Variants in CFH observed in about 807,000 individuals in gnomAD.
The protein encoded by CFH is H factor 1 (complement).
In CFH, 53 loss-of-function variants were observed where a neutral mutation model predicts 147.3. The observed-to-expected ratio is 0.36, with a 90% CI of 0.29 to 0.45. CFH has a LOEUF of 0.45. CFH is among the 20% of genes least tolerant of loss of function. The probability of loss-of-function intolerance (pLI) is 1.00; values close to 1 mark genes in which losing one functional copy is unlikely to be tolerated. For synonymous variants in CFH, 536 were observed against 489.4 expected (o/e 1.10, Z -1.26); for missense variants, 1,380 against 1,498.0 (o/e 0.92, Z 1.30).
intron 15 of CFH, among the ~76,000 whole-genome samples, chr1:196,729,237 T>C (rs549942257): frequency 1.4e-4 from 22 of 152,178 alleles, no homozygotes; most frequent in Non-Finnish European, 2.9e-5. Flanking sequence ...TTTCAATATG[T>C]TTAGAGTCCT....
chr1:196,703,909 G>GACCCA (rs1668522134), intron 9 of CFH, among the ~76,000 whole-genome samples: 1 of 148,344 alleles, frequency 6.7e-6, no homozygotes, highest in East Asian at 2.0e-4. Flanking sequence ...GCGTGAATCG[G>GACCCA]GGAGGCAGAG....
chr1:196,675,965 G>A, intron 3 of CFH, 24 bp from the exon 4 acceptor site: 13 of 1,516,068 alleles, frequency 8.6e-6, no homozygotes, highest in East Asian at 2.3e-5. Flanking sequence ...TTATGTCAAC[G>A]TTCTGTTATT....
At chr1:196,745,058 C>A (rs558424141) in intron 20 of CFH, among the ~76,000 whole-genome samples, 2 of 152,194 alleles carry the variant, frequency 1.3e-5, no homozygotes, top group East Asian at 1.9e-4. Context: ...TTGATCCCCT[C>A]GAGGAAAAGC....
chr1:196,730,556 T>G (rs1669258653), intron 15 of CFH, among the ~76,000 whole-genome samples: 1 of 151,790 alleles, frequency 6.6e-6, no homozygotes, highest in Admixed American at 6.6e-5. Flanking sequence ...TGTTTTTTTG[T>G]TATGTGGAAT....
intron 17 of CFH, among the ~76,000 whole-genome samples, chr1:196,739,441 T>C: frequency 6.6e-6 from 1 of 152,160 alleles, no homozygotes; most frequent in East Asian, 1.9e-4. Flanking sequence ...AAATCATCTC[T>C]CTCAAGTTCA....
intron 1 of CFH, among the ~76,000 whole-genome samples, chr1:196,670,070 C>A (rs1410872953): frequency 6.6e-6 from 1 of 152,178 alleles, no homozygotes; most frequent in Non-Finnish European, 1.5e-5. Context: ...GGATTTCTGA[C>A]TTTCATGGAG....
chr1:196,722,063 T>A (rs1357601256), intron 11 of CFH, among the ~76,000 whole-genome samples: 3 of 152,064 alleles, frequency 2.0e-5, no homozygotes, highest in Non-Finnish European at 2.9e-5. Context: ...TATTGTCATG[T>A]GAGGTTTTGT....
At chr1:196,660,170 C>T (rs1363052128) in intron 1 of CFH, among the ~76,000 whole-genome samples, 1 of 152,080 alleles carries the variant, frequency 6.6e-6, no homozygotes, top group African/African-American at 2.4e-5. Context: ...GAGACAAAGC[C>T]AGTCATCAGA....
intron 2 of CFH, 165 bp downstream of exon 2, chr1:196,673,328 C>A: frequency 1.4e-6 from 1 of 699,070 alleles, no homozygotes; most frequent in Non-Finnish European, 2.4e-6. Context: ...GCTCTGTCAC[C>A]TAGGCTGCAG....
intron 1 of CFH, among the ~76,000 whole-genome samples, chr1:196,660,611 C>T (rs919779138): frequency 2.6e-5 from 4 of 151,978 alleles, no homozygotes; most frequent in Admixed American, 6.6e-5. Flanking sequence ...AGAACAGGGG[C>T]GGTCATATCT....
chr1:196,664,782 A>T (rs1305079596), intron 1 of CFH, among the ~76,000 whole-genome samples: 1 of 152,170 alleles, frequency 6.6e-6, no homozygotes, highest in Non-Finnish European at 1.5e-5. Flanking sequence ...TATTCTAATT[A>T]TATCCATTAT....
At chr1:196,677,255 T>C (rs1379850919) in intron 4 of CFH, 1 of 477,166 alleles carries the variant, frequency 2.1e-6, no homozygotes. Flanking sequence ...AAAGTAGTAA[T>C]TTTCATTGTC....
Position 196,726,792 on chromosome 1 carries a change from A to G in CFH, c.2088A>G (p.Glu696=). 1.9e-6 allele frequency: 3 copies of G among 1,613,890 alleles called. No homozygotes were observed. Among genetic ancestry groups the G allele is most frequent in the Non-Finnish European group, 2.5e-6 (3 of 1,179,856 alleles). The change falls in exon 14 of 22, where the codon GAA becomes GAG. Residue 696 remains glutamate, a synonymous_variant. Transcript: ENST00000367429. ...AGAGTACCTGTGGAGATATACCTGA[A>G]CTTGAACATGGCTGGGCCCAGCTTT... ...VEESTCGDIP[E]LEHGWAQLSS...
chr1:196,731,570 G>C (rs1031251977), intron 15 of CFH, among the ~76,000 whole-genome samples: 6 of 151,884 alleles, frequency 4.0e-5, no homozygotes, highest in African/African-American at 1.4e-4. Context: ...ATTTCATATT[G>C]TGCTTACTTT....
At chr1:196,733,349 C>T (rs1316932024) in intron 15 of CFH, among the ~76,000 whole-genome samples, 2 of 152,012 alleles carry the variant, frequency 1.3e-5, no homozygotes, top group Non-Finnish European at 1.5e-5. Context: ...TTTGGCATAG[C>T]GCCTGGAGTT....
chr1:196,724,911 A>G (rs906360850), intron 11 of CFH, among the ~76,000 whole-genome samples: 1 of 152,244 alleles, frequency 6.6e-6, no homozygotes, highest in Non-Finnish European at 1.5e-5. Flanking sequence ...GAACAGATAT[A>G]TTTCAATACC....
intron 9 of CFH, among the ~76,000 whole-genome samples, chr1:196,691,132 A>T (rs1323657448): frequency 1.3e-5 from 2 of 151,802 alleles, no homozygotes; most frequent in East Asian, 1.9e-4. Context: ...TGCCTAAACA[A>T]TTTTTTCTCA....
Position 196,653,265 on chromosome 1 carries a change from C to T in CFH, c.58+1090C>T, listed in dbSNP as rs181232793. On this transcript the variant is annotated intron_variant, in intron 1 of 21. Transcript: ENST00000367429. ...TCAGTTATATTTTCTAATGTTATTG[C>T]TTGTTCTTTGGCTTGTAAACTTTAT... 1.5e-3 allele frequency among the ~76,000 whole-genome samples: 223 copies of T among 151,698 alleles called. 2 individuals are homozygous for T. Among genetic ancestry groups the T allele is most frequent in the African/African-American group, 5.2e-3 (215 of 41,494 alleles).
At chr1:196,742,639 A>T (rs1213136585) in intron 19 of CFH, among the ~76,000 whole-genome samples, 1 of 152,172 alleles carries the variant, frequency 6.6e-6, no homozygotes, top group Non-Finnish European at 1.5e-5. Flanking sequence ...TTGAAATGAA[A>T]ATAAAATTCC....
Sources: allele counts gnomAD v4.1 joint callset (sites outside exome capture counted in the v4.1 genomes callset), GRCh38; gene constraint gnomAD v4.1.1; transcripts MANE v1.5; gene names NCBI Gene and HGNC (gene_info 2026-07-23, HGNC 2026-07-21).